Variants in BLNK observed in about 807,000 individuals in gnomAD.
The protein encoded by BLNK is B-cell linker protein.
Under a neutral mutation model 73.5 loss-of-function variants are expected in BLNK, and 29 were observed. The observed-to-expected ratio is 0.39, with a 90% CI of 0.29 to 0.54. The LOEUF (loss-of-function observed/expected upper bound fraction) is 0.54. Among genes scored for constraint, BLNK ranks in the 20% least tolerant of loss-of-function variants. The probability of loss-of-function intolerance (pLI) is 0.61; values close to 1 mark genes in which losing one functional copy is unlikely to be tolerated. For synonymous variants in BLNK, 176 were observed against 200.8 expected (o/e 0.88, Z 1.04); for missense variants, 460 against 562.8 (o/e 0.82, Z 1.85).
Position 96,271,481 on chromosome 10 carries a change from T to C in BLNK, c.-83A>G. 3 of 1,444,584 alleles carry C rather than the reference T, an allele frequency of 2.1e-6. No homozygotes were observed. The highest frequency in any genetic ancestry group is 2.9e-6 in the Non-Finnish European group (3 of 1,026,356). 89.5% of individuals were successfully genotyped at this position (1,444,584 alleles called of 1,614,324 possible). On this transcript the variant is annotated 5_prime_UTR_variant, in exon 1 of 17. Coordinates refer to ENST00000224337, the MANE Select transcript of BLNK (RefSeq NM_013314.4). ...CTGGCCCTCCTAGGGAGCAGCATGGTAAGCCTCTGGTCTCAAGGGTTCCGG... is the reference window on the plus strand; with the variant it reads ...CTGGCCCTCCTAGGGAGCAGCATGGCAAGCCTCTGGTCTCAAGGGTTCCGG...
intron 11 of BLNK, among the ~76,000 whole-genome samples, chr10:96,205,790 C>G (rs1380492512): frequency 1.3e-5 from 2 of 152,146 alleles, no homozygotes; most frequent in East Asian, 3.9e-4. Flanking sequence ...TACTGGGAAC[C>G]CTTTGAGAAT....
intron 1 of BLNK, among the ~76,000 whole-genome samples, chr10:96,265,829 T>C (rs1843973167): frequency 6.6e-6 from 1 of 152,194 alleles, no homozygotes; most frequent in South Asian, 2.1e-4. Flanking sequence ...GGCCAGATGA[T>C]TCTTTGTTGT....
intron 6 of BLNK, among the ~76,000 whole-genome samples, chr10:96,220,447 C>A (rs1591321607): frequency 6.6e-6 from 1 of 152,346 alleles, no homozygotes; most frequent in South Asian, 2.1e-4. Context: ...GTCTGCCCAA[C>A]TTTCTCATCT....
chr10:96,191,818 A>G lies in BLNK; in HGVS notation c.*155T>C. 1 of 1,010,156 alleles carries G rather than the reference A, an allele frequency of 9.9e-7. No individual in the cohort carries two copies. Among genetic ancestry groups the G allele is most frequent in the Non-Finnish European group, 1.5e-6 (1 of 670,900 alleles). The allele number at this position is 1,010,156 out of a possible 1,614,324, so 62.6% of individuals were successfully genotyped here. ...GAACAAGTCCACATGAGCTTCTTAA[A>G]AAGAAATGGATGACCACTTCAATAG... On this transcript the variant is annotated 3_prime_UTR_variant, in exon 17 of 17. Transcript: ENST00000224337.
intron 1 of BLNK, among the ~76,000 whole-genome samples, chr10:96,263,473 T>C (rs1554913496): frequency 6.6e-6 from 1 of 152,188 alleles, no homozygotes; most frequent in Non-Finnish European, 1.5e-5. Flanking sequence ...TTGTCTTGCT[T>C]TTGAAATAAG....
intron 3 of BLNK, among the ~76,000 whole-genome samples, chr10:96,241,784 G>T (rs1337271566): frequency 6.8e-6 from 1 of 148,014 alleles, no homozygotes; most frequent in Non-Finnish European, 1.5e-5. Context: ...TGGCTGGATT[G>T]CAGTAGCATG....
At chr10:96,242,254 C>G (rs1264713694) in intron 3 of BLNK, among the ~76,000 whole-genome samples, 2 of 152,218 alleles carry the variant, frequency 1.3e-5, no homozygotes, top group Non-Finnish European at 2.9e-5. Context: ...ACCTTGCCTG[C>G]CGCCATGTAA....
At position 96,204,563 on chromosome 10, in the gene BLNK, C is replaced by T. The variant is rs782538776; in HGVS notation, c.871G>A (p.Val291Met). Residue 291 changes from valine to methionine, a missense_variant, in exon 12 of 17, where the codon GTG becomes ATG. By Grantham distance (21) the Val-to-Met change is conservative. Transcript: ENST00000224337. ...HRGSSHRQEA[V>M]QSPVFPPAQK... ...GCAGGAGGAAACACTGGTGACTGCA[C>T]AGCTTCTTGTCTGTGACTTGACCCT... 1 of 1,614,072 alleles carries T rather than the reference C, an allele frequency of 6.2e-7. No homozygotes were observed. Among genetic ancestry groups the T allele is most frequent in the Admixed American group, 1.7e-5 (1 of 60,016 alleles).
chr10:96,220,940 A>G (rs1375785786), intron 6 of BLNK, among the ~76,000 whole-genome samples: 2 of 152,246 alleles, frequency 1.3e-5, no homozygotes, highest in Admixed American at 6.5e-5. Context: ...TCACTTTCCC[A>G]TCGGCTCATA....
At chr10:96,248,090 GACC>G (rs1554908112) in intron 1 of BLNK, among the ~76,000 whole-genome samples, 1 of 152,184 alleles carries the variant, frequency 6.6e-6, no homozygotes, top group Non-Finnish European at 1.5e-5. Context: ...TATGTATCAA[GACC>G]CTCCACTGGT....
intron 1 of BLNK, among the ~76,000 whole-genome samples, chr10:96,263,526 G>A (rs1436376503): frequency 6.6e-6 from 1 of 152,056 alleles, no homozygotes; most frequent in Non-Finnish European, 1.5e-5. Context: ...GGTCTGTTTG[G>A]AGGCCTAGAC....
At chr10:96,266,927 G>T (rs1348992313) in intron 1 of BLNK, among the ~76,000 whole-genome samples, 1 of 152,182 alleles carries the variant, frequency 6.6e-6, no homozygotes, top group Middle Eastern at 3.2e-3. Flanking sequence ...AGTCCATGTT[G>T]TCTCACTTGG....
At chr10:96,220,105 G>A (rs957144588) in intron 6 of BLNK, among the ~76,000 whole-genome samples, 2 of 152,176 alleles carry the variant, frequency 1.3e-5, no homozygotes, top group African/African-American at 4.8e-5. Flanking sequence ...TGTGGACCCT[G>A]TATAAATCAG....
intron 1 of BLNK, among the ~76,000 whole-genome samples, chr10:96,247,848 A>C (rs1356424705): frequency 6.6e-6 from 1 of 152,226 alleles, no homozygotes; most frequent in Non-Finnish European, 1.5e-5. Context: ...CTTCATTTAC[A>C]TAGGATGTAA....
In BLNK at chr10:96,209,846, T is replaced by C. The variant is rs1554898309; in HGVS notation, c.738A>G (p.Pro246=). ...SPPPAAPSPL[P]RAGKKPTTPL... ...CTGCAACAGGTACTTACCCGGCCCG[T>C]GGCAACGGGGATGGTGCAGCTGGTG... The change falls in exon 9 of 17, where the codon CCA becomes CCG. Residue 246 remains proline, a synonymous_variant. Coordinates refer to ENST00000224337, the MANE Select transcript of BLNK (RefSeq NM_013314.4). 6.2e-7 allele frequency: 1 copy of C among 1,614,208 alleles called. No individual in the cohort carries two copies. The highest frequency in any genetic ancestry group is 1.1e-5 in the South Asian group (1 of 91,088).
At position 96,200,928 on chromosome 10, in the gene BLNK, C is replaced by T; in HGVS notation, c.1011+54G>A. 1 of 1,503,486 alleles carries T rather than the reference C, an allele frequency of 6.7e-7. No individual in the cohort carries two copies. Among genetic ancestry groups the T allele is most frequent in the Non-Finnish European group, 9.3e-7 (1 of 1,079,410 alleles). 93.1% of individuals were successfully genotyped at this position (1,503,486 alleles called of 1,614,324 possible). ...ATGTCTTCTTCTCAGAAGACATGCT[C>T]TTTCCTGCAGTTTCCTGGTAACAAT... On this transcript the variant is annotated intron_variant, in intron 14 of 16. Coordinates refer to ENST00000224337, the MANE Select transcript of BLNK (RefSeq NM_013314.4). This position sits in a 1 kb window ranked among gnomAD's most constrained non-coding sequence, Gnocchi z 4.3.
At chr10:96,268,275 T>C (rs1554914736) in intron 1 of BLNK, among the ~76,000 whole-genome samples, 3 of 152,208 alleles carry the variant, frequency 2.0e-5, no homozygotes, top group Non-Finnish European at 2.9e-5. Flanking sequence ...AAAAGGGATA[T>C]TTGCAAAGTG....
intron 1 of BLNK, among the ~76,000 whole-genome samples, chr10:96,266,097 C>G (rs1037068376): frequency 2.0e-5 from 3 of 152,208 alleles, no homozygotes; most frequent in African/African-American, 7.2e-5. Context: ...TAATTTTTCT[C>G]TCCCTTTTTT....
At chr10:96,232,116 T>C (rs1892189) in intron 3 of BLNK, among the ~76,000 whole-genome samples, 142,112 of 152,236 alleles carry the variant, frequency 0.93, 67,015 homozygotes, top group East Asian at 1. Flanking sequence ...AGAGGTTAAA[T>C]GGGATTCACT....
Sources: gnomAD v4.1 joint callset for allele counts (sites outside exome capture counted in the v4.1 genomes callset) on GRCh38, gnomAD v4.1.1 for gene constraint, Gnocchi (gnomAD v3.1) non-coding constraint, MANE v1.5 for transcripts, NCBI Gene and HGNC (gene_info 2026-07-23, HGNC 2026-07-21) for gene names.